The following NRXN1 variants were observed in gnomAD, a reference collection of about 807,000 sequenced individuals.
The protein encoded by NRXN1 is neurexin-1.
NRXN1 carries 39 observed loss-of-function variants against 150.9 expected under a neutral mutation model. That is an observed-to-expected ratio of 0.26 (90% CI 0.20 to 0.34). The LOEUF (loss-of-function observed/expected upper bound fraction) is 0.34, where lower values mean the gene tolerates loss of function less well. NRXN1 is among the 10% of genes least tolerant of loss of function. The pLI is 1.00. For missense variants in NRXN1, 1,815 were observed against 1,949.9 expected, an observed-to-expected ratio of 0.93 and a Z score of 1.30; for synonymous variants, 924 against 757.0, an observed-to-expected ratio of 1.22 and a Z score of -3.62.
At chr2:50,363,266 C>A (rs1287701230) in intron 17 of NRXN1, among the ~76,000 whole-genome samples, 1 of 152,128 alleles carries the variant, frequency 6.6e-6, no homozygotes, top group African/African-American at 2.4e-5. Context: ...TAAGGAGCTT[C>A]TGCACAGCAA....
At chr2:49,998,431 C>G (rs139410734) in intron 21 of NRXN1, among the ~76,000 whole-genome samples, 1 of 152,218 alleles carries the variant, frequency 6.6e-6, no homozygotes, top group East Asian at 1.9e-4. Context: ...GATATAATTT[C>G]CCATAATATG....
At chr2:50,988,895 G>C (rs1698119593) in intron 2 of NRXN1, among the ~76,000 whole-genome samples, 1 of 151,928 alleles carries the variant, frequency 6.6e-6, no homozygotes, top group African/African-American at 2.4e-5. Context: ...TGGTTGGGGA[G>C]ATCAAGTGAG....
chr2:50,865,540 ATTCT>A (rs1676759275), intron 5 of NRXN1, among the ~76,000 whole-genome samples: 1 of 140,620 alleles, frequency 7.1e-6, no homozygotes, highest in African/African-American at 2.7e-5. Context: ...CATTGGAATT[ATTCT>A]GTCTCTGCCT....
intron 17 of NRXN1, among the ~76,000 whole-genome samples, chr2:50,305,925 T>A (rs936076890): frequency 2.0e-5 from 3 of 152,202 alleles, no homozygotes; most frequent in African/African-American, 7.2e-5. Flanking sequence ...TCTTTCATGA[T>A]CAATTTAGCC....
In NRXN1 at chr2:50,395,691, C is replaced by T. The variant is rs117503969; in HGVS notation, c.3364+69751G>A. On this transcript the variant is annotated intron_variant, in intron 17 of 22. Coordinates refer to ENST00000401669, the MANE Select transcript of NRXN1 (RefSeq NM_001330078.2). The stretch of plus-strand genomic sequence containing the variant: ...GCCAGGGAATGTGCTAAAAGCTTTA[C>T]AAGCACTATATCATATAAGTTCCTG... Among the ~76,000 whole-genome samples the T allele has an allele frequency of 2.1e-4, 32 of 152,250 alleles. No homozygotes were observed. In the East Asian group the frequency reaches 6.0e-3, roughly 29 times the overall value.
At chr2:50,069,670 G>A (rs545432486) in intron 19 of NRXN1, among the ~76,000 whole-genome samples, 40 of 151,990 alleles carry the variant, frequency 2.6e-4, no homozygotes, top group Admixed American at 1.8e-3. Flanking sequence ...TTTCTGAAAC[G>A]TTTCATGTTT....
At chr2:50,655,217 C>T (rs915635348) in intron 5 of NRXN1, among the ~76,000 whole-genome samples, 3 of 151,598 alleles carry the variant, frequency 2.0e-5, no homozygotes, top group African/African-American at 7.3e-5. Context: ...CTCTATTTCC[C>T]TTTACTTTTC....
chr2:49,957,278 C>G (rs1213870117), intron 21 of NRXN1, among the ~76,000 whole-genome samples: 1 of 152,068 alleles, frequency 6.6e-6, no homozygotes, highest in Non-Finnish European at 1.5e-5. Flanking sequence ...ATGAGTATTA[C>G]ATGTATTAAA....
At chr2:50,219,958 A>G (rs1440527297) in intron 18 of NRXN1, among the ~76,000 whole-genome samples, 2 of 72,512 alleles carry the variant, frequency 2.8e-5, no homozygotes, top group Non-Finnish European at 4.7e-5. Context: ...TATATAATAT[A>G]TATATTATAT....
At chr2:51,031,305 C>A (rs1213563854) in intron 1 of NRXN1, among the ~76,000 whole-genome samples, 1 of 152,110 alleles carries the variant, frequency 6.6e-6, no homozygotes, top group Admixed American at 6.5e-5. Context: ...TTAATCTTTT[C>A]TTTCATTTCT....
intron 2 of NRXN1, among the ~76,000 whole-genome samples, chr2:50,927,912 T>C (rs1687147222): frequency 6.6e-6 from 1 of 151,728 alleles, no homozygotes; most frequent in African/African-American, 2.4e-5. Context: ...ACCAACAAAA[T>C]GAAACAGGCC....
chr2:50,446,815 A>AT (rs2086457653), intron 17 of NRXN1, among the ~76,000 whole-genome samples: 1 of 152,044 alleles, frequency 6.6e-6, no homozygotes, highest in Non-Finnish European at 1.5e-5. Flanking sequence ...AATATGCATT[A>AT]TTTTTATAAT....
intron 21 of NRXN1, among the ~76,000 whole-genome samples, chr2:50,013,122 T>C (rs1023827954): frequency 1.3e-5 from 2 of 152,152 alleles, no homozygotes; most frequent in African/African-American, 2.4e-5. Context: ...AATCATTTCA[T>C]GTCCAATAAA....
At chr2:50,112,204 T>C (rs1255005327) in intron 18 of NRXN1, among the ~76,000 whole-genome samples, 1 of 152,200 alleles carries the variant, frequency 6.6e-6, no homozygotes, top group Non-Finnish European at 1.5e-5. Flanking sequence ...CTGTGTTGCC[T>C]TTGCTTAAAC....
intron 5 of NRXN1, among the ~76,000 whole-genome samples, chr2:50,800,485 A>T (rs571100324): frequency 2.9e-4 from 44 of 152,230 alleles, no homozygotes; most frequent in Non-Finnish European, 5.9e-4. Flanking sequence ...AGGCCAAGTC[A>T]ATGAGTTGCT....
intron 18 of NRXN1, among the ~76,000 whole-genome samples, chr2:50,211,093 G>A (rs2062980872): frequency 6.6e-6 from 1 of 151,358 alleles, no homozygotes; most frequent in African/African-American, 2.4e-5. Flanking sequence ...AAACTGACTT[G>A]AAAAAAATTT....
At chr2:50,165,348 A>G (rs1209948697) in intron 18 of NRXN1, among the ~76,000 whole-genome samples, 10 of 150,924 alleles carry the variant, frequency 6.6e-5, no homozygotes, top group Admixed American at 6.6e-4. Context: ...CCTCAGCACT[A>G]TTTTTTTTTC....
Position 50,538,419 on chromosome 2 carries a change from C to A in NRXN1, c.1977G>T (p.Met659Ile). The A allele has an allele frequency of 6.2e-7, 1 of 1,613,990 alleles. No individual in the cohort carries two copies. Among genetic ancestry groups the A allele is most frequent in the Non-Finnish European group, 8.5e-7 (1 of 1,179,884 alleles). Residue 659 changes from methionine to isoleucine, a missense_variant, in exon 10 of 23, where the codon ATG becomes ATT. Transcript: ENST00000401669. ...IDGQSKDIRQ[M>I]AEVQSTAGVK... ...CTCCAGCAGTACTTTGAACTTCAGC[C>A]ATTTGCCGGATATCTTTGCTTTGGC...
intron 22 of NRXN1, among the ~76,000 whole-genome samples, chr2:49,941,316 C>T (rs1671934187): frequency 1.3e-5 from 2 of 150,770 alleles, no homozygotes; most frequent in Non-Finnish European, 3.0e-5. Flanking sequence ...TTTAACAAAG[C>T]AGACAAAAAT....
Sources: gnomAD v4.1 joint callset for allele counts (sites outside exome capture counted in the v4.1 genomes callset) on GRCh38, gnomAD v4.1.1 for gene constraint, MANE v1.5 for transcripts, NCBI Gene and HGNC (gene_info 2026-07-23, HGNC 2026-07-21) for gene names.